The following TAFA1 variants were observed in gnomAD, a reference collection of about 807,000 sequenced individuals.
The protein encoded by TAFA1 is chemokine-like protein TAFA-1.
Under a neutral mutation model 18.5 loss-of-function variants are expected in TAFA1, and 4 were observed. The observed-to-expected ratio is 0.22, with a 90% CI of 0.11 to 0.49. The LOEUF is 0.49. Among genes scored for constraint, TAFA1 ranks in the 20% least tolerant of loss-of-function variants. The probability of loss-of-function intolerance (pLI) is 0.98; values close to 1 mark genes in which losing one functional copy is unlikely to be tolerated. For missense variants in TAFA1, 147 were observed against 169.0 expected, an observed-to-expected ratio of 0.87 and a Z score of 0.72; for synonymous variants, 56 against 55.2, an observed-to-expected ratio of 1.01 and a Z score of -0.06.
At chr3:68,081,143 A>G (rs2064893382) in intron 2 of TAFA1, among the ~76,000 whole-genome samples, 1 of 151,926 alleles carries the variant, frequency 6.6e-6, no homozygotes, top group Non-Finnish European at 1.5e-5. Flanking sequence ...GTAGTTCTCG[A>G]GCCTTGGTTT....
At chr3:68,362,044 T>C (rs1455389274) in intron 2 of TAFA1, among the ~76,000 whole-genome samples, 1 of 152,142 alleles carries the variant, frequency 6.6e-6, no homozygotes, top group Non-Finnish European at 1.5e-5. Flanking sequence ...AGAAAATGTC[T>C]TTTACTTCTT....
chr3:68,385,129 A>C (rs534380801), intron 2 of TAFA1, among the ~76,000 whole-genome samples: 125 of 152,050 alleles, frequency 8.2e-4, no homozygotes, highest in African/African-American at 2.7e-3. Flanking sequence ...CGCACTCCTC[A>C]TCTGTTAACT....
intron 3 of TAFA1, among the ~76,000 whole-genome samples, chr3:68,495,512 T>C (rs2072529716): frequency 6.6e-6 from 1 of 152,186 alleles, no homozygotes; most frequent in African/African-American, 2.4e-5. Context: ...TATGAATTCT[T>C]AATCCAAGGA....
At chr3:68,261,410 A>G (rs931215773) in intron 2 of TAFA1, among the ~76,000 whole-genome samples, 6 of 152,216 alleles carry the variant, frequency 3.9e-5, no homozygotes, top group East Asian at 1.9e-4. Context: ...CCATCCCATT[A>G]CTGGGTATAT....
chr3:68,382,165 G>T (rs1264943348), intron 2 of TAFA1, among the ~76,000 whole-genome samples: 1 of 152,142 alleles, frequency 6.6e-6, no homozygotes, highest in African/African-American at 2.4e-5. Flanking sequence ...TTGATGTGCT[G>T]CTGGATTCGG....
intron 2 of TAFA1, among the ~76,000 whole-genome samples, chr3:68,398,691 A>T (rs1027967337): frequency 6.6e-6 from 1 of 152,144 alleles, no homozygotes; most frequent in African/African-American, 2.4e-5. Context: ...CTGTTCCTTG[A>T]TGTTATTTCA....
At chr3:68,239,376 G>C (rs2107132854) in intron 2 of TAFA1, among the ~76,000 whole-genome samples, 1 of 152,278 alleles carries the variant, frequency 6.6e-6, no homozygotes. Flanking sequence ...ATGTGCCTGA[G>C]TTTCTATTTA....
At chr3:68,376,966 T>C (rs2069831624) in intron 2 of TAFA1, among the ~76,000 whole-genome samples, 1 of 152,196 alleles carries the variant, frequency 6.6e-6, no homozygotes, top group African/African-American at 2.4e-5. Context: ...TCCTCTCTCT[T>C]CTACCACCTT....
chr3:68,162,079 C>G (rs1233446467), intron 2 of TAFA1, among the ~76,000 whole-genome samples: 1 of 152,154 alleles, frequency 6.6e-6, no homozygotes, highest in African/African-American at 2.4e-5. Context: ...AAACATTTGC[C>G]AATTGCTGGC....
chr3:68,368,538 G>A (rs925205751), intron 2 of TAFA1, among the ~76,000 whole-genome samples: 1 of 151,270 alleles, frequency 6.6e-6, no homozygotes, highest in Non-Finnish European at 1.5e-5. Flanking sequence ...AAAGACAGCA[G>A]GGATGTCAGA....
intron 2 of TAFA1, among the ~76,000 whole-genome samples, chr3:68,366,444 C>T (rs944399828): frequency 6.6e-6 from 1 of 152,208 alleles, no homozygotes. Context: ...AACATCCTTA[C>T]ACCTAGTACT....
intron 2 of TAFA1, among the ~76,000 whole-genome samples, chr3:68,400,684 A>G (rs2106745128): frequency 6.6e-6 from 1 of 152,302 alleles, no homozygotes; most frequent in East Asian, 1.9e-4. Context: ...TTCATAGAAG[A>G]TGTTATTGGT....
chr3:68,027,173 GA>G (rs879494195), intron 2 of TAFA1, among the ~76,000 whole-genome samples: 1 of 152,106 alleles, frequency 6.6e-6, no homozygotes, highest in Admixed American at 6.5e-5. Flanking sequence ...TTGAATATGA[GA>G]TTTACGTGGG....
intron 2 of TAFA1, among the ~76,000 whole-genome samples, chr3:68,159,203 G>T (rs1364643957): frequency 1.3e-5 from 2 of 152,190 alleles, no homozygotes; most frequent in Non-Finnish European, 1.5e-5. Context: ...ACCTGCAGGG[G>T]TGAGGAGCCC....
intron 2 of TAFA1, among the ~76,000 whole-genome samples, chr3:68,299,411 G>C (rs765781468): frequency 6.6e-6 from 1 of 152,188 alleles, no homozygotes; most frequent in Non-Finnish European, 1.5e-5. Flanking sequence ...AGTTCAAGAT[G>C]TGACTTGGGT....
intron 2 of TAFA1, among the ~76,000 whole-genome samples, chr3:68,259,403 G>A (rs1050893375): frequency 2.0e-5 from 3 of 152,274 alleles, no homozygotes; most frequent in Admixed American, 1.3e-4. Context: ...TGGCTTAGGA[G>A]TGACTTGGCG....
intron 2 of TAFA1, among the ~76,000 whole-genome samples, chr3:68,250,276 T>C (rs988760793): frequency 6.6e-6 from 1 of 152,176 alleles, no homozygotes; most frequent in African/African-American, 2.4e-5. Context: ...ATGGCTGTTA[T>C]TACTGTTTAC....
chr3:68,074,399 G>A (rs1438795938), intron 2 of TAFA1, among the ~76,000 whole-genome samples: 3 of 152,228 alleles, frequency 2.0e-5, no homozygotes, highest in South Asian at 2.1e-4. Context: ...GAAGCTTAAC[G>A]GAAGACTCTG....
intron 2 of TAFA1, among the ~76,000 whole-genome samples, chr3:68,215,581 T>A (rs1015476628): frequency 5.9e-5 from 9 of 151,972 alleles, no homozygotes; most frequent in Admixed American, 5.9e-4. Flanking sequence ...AAGCCATGAC[T>A]GGGGAGAAAA....
Sources: gnomAD v4.1 joint callset for allele counts (sites outside exome capture counted in the v4.1 genomes callset) on GRCh38, gnomAD v4.1.1 for gene constraint, MANE v1.5 for transcripts, NCBI Gene and HGNC (gene_info 2026-07-23, HGNC 2026-07-21) for gene names.